The following CTNNA2 variants were observed in gnomAD, a reference collection of about 807,000 sequenced individuals.
The protein encoded by CTNNA2 is catenin alpha-2.
In CTNNA2, 42 loss-of-function variants were observed where a neutral mutation model predicts 101.0. The observed-to-expected ratio is 0.42, with a 90% CI of 0.32 to 0.54. The LOEUF is 0.54. CTNNA2 is among the 20% of genes least tolerant of loss of function. CTNNA2 has a pLI of 0.14. For missense variants in CTNNA2, 871 were observed against 1,223.1 expected (o/e 0.71, Z 4.29); for synonymous variants, 450 against 456.4 (o/e 0.99, Z 0.18).
At chr2:79,587,726 G>A (rs1398442994) in intron 1 of CTNNA2, among the ~76,000 whole-genome samples, 1 of 152,160 alleles carries the variant, frequency 6.6e-6, no homozygotes, top group East Asian at 1.9e-4. Flanking sequence ...TGGGAGTCCA[G>A]CCCAAGAATA....
chr2:79,651,320 A>G (rs1681232622), intron 1 of CTNNA2, among the ~76,000 whole-genome samples: 1 of 152,168 alleles, frequency 6.6e-6, no homozygotes, highest in South Asian at 2.1e-4. Flanking sequence ...TCCCAAAAGC[A>G]GGCCTAAGGT....
At chr2:79,899,900 C>T (rs949617262) in intron 6 of CTNNA2, among the ~76,000 whole-genome samples, 5 of 152,062 alleles carry the variant, frequency 3.3e-5, no homozygotes, top group African/African-American at 1.2e-4. Context: ...AGAAACTTTT[C>T]ATGTAAAGAT....
At chr2:80,362,030 G>A (rs948105357) in intron 7 of CTNNA2, among the ~76,000 whole-genome samples, 1 of 152,082 alleles carries the variant, frequency 6.6e-6, no homozygotes, top group African/African-American at 2.4e-5. Flanking sequence ...AATTCACTTG[G>A]TAATTAGGGT....
At chr2:80,489,918 G>A (rs77467878) in intron 9 of CTNNA2, among the ~76,000 whole-genome samples, 4 of 152,120 alleles carry the variant, frequency 2.6e-5, no homozygotes, top group Admixed American at 6.5e-5. Context: ...GAAATCTTCC[G>A]AGAAGTGAAT....
At chr2:80,626,908 C>T (rs1671744893) in intron 18 of CTNNA2, among the ~76,000 whole-genome samples, 1 of 151,942 alleles carries the variant, frequency 6.6e-6, no homozygotes, top group Non-Finnish European at 1.5e-5. Context: ...TGTTCCCTTC[C>T]CTGTGTCCAT....
chr2:79,236,064 CAGG>C (rs984028723), intron 2 of CTNNA2, among the ~76,000 whole-genome samples: 15 of 152,222 alleles, frequency 9.9e-5, no homozygotes, highest in Admixed American at 9.8e-4. Flanking sequence ...CCCAGGGAAA[CAGG>C]AGGATACAGC....
At chr2:79,866,135 G>A (rs184079082) in intron 4 of CTNNA2, among the ~76,000 whole-genome samples, 1 of 152,172 alleles carries the variant, frequency 6.6e-6, no homozygotes, top group Admixed American at 6.5e-5. Context: ...GAGTAGACAG[G>A]CTTGCTTTAG....
chr2:80,400,669 A>T (rs893300565), intron 8 of CTNNA2, among the ~76,000 whole-genome samples: 6 of 152,196 alleles, frequency 3.9e-5, no homozygotes, highest in Non-Finnish European at 7.3e-5. Flanking sequence ...TTTTCAAGAC[A>T]GTGACAGTCC....
At chr2:80,420,213 A>G (rs1396879405) in intron 9 of CTNNA2, among the ~76,000 whole-genome samples, 1 of 152,102 alleles carries the variant, frequency 6.6e-6, no homozygotes, top group East Asian at 1.9e-4. Context: ...TAATATTGAA[A>G]AAAAATATTG....
At chr2:80,040,697 C>A (rs1695986275) in intron 7 of CTNNA2, among the ~76,000 whole-genome samples, 1 of 152,182 alleles carries the variant, frequency 6.6e-6, no homozygotes, top group South Asian at 2.1e-4. Flanking sequence ...AGGAATAATT[C>A]ACTCCCAGGC....
intron 7 of CTNNA2, among the ~76,000 whole-genome samples, chr2:80,191,319 G>A (rs534308857): frequency 6.6e-6 from 1 of 152,310 alleles, no homozygotes; most frequent in East Asian, 1.9e-4. Flanking sequence ...ACCCCAGCAT[G>A]AATTAAGTCT....
chr2:80,019,905 A>G (rs1047046657), intron 7 of CTNNA2, among the ~76,000 whole-genome samples: 1 of 152,188 alleles, frequency 6.6e-6, no homozygotes, highest in African/African-American at 2.4e-5. Context: ...ACGAGCAGAC[A>G]TTTAGACCCC....
intron 3 of CTNNA2, among the ~76,000 whole-genome samples, chr2:79,812,343 G>T (rs774331920): frequency 4.6e-5 from 7 of 152,056 alleles, no homozygotes; most frequent in Non-Finnish European, 1.0e-4. Flanking sequence ...TCAGTCTTTT[G>T]TCTTTAAGTA....
rs1408907830 is a variant in CTNNA2, at chr2:79,988,412, G to A, written c.1056+78615G>A. 3.3e-5 allele frequency among the ~76,000 whole-genome samples: 5 copies of A among 151,900 alleles called. 1 individual carries two copies. In the South Asian group the frequency reaches 1.0e-3, roughly 31 times the overall value. On this transcript the variant is annotated intron_variant, in intron 7 of 18. Coordinates refer to ENST00000402739, the MANE Select transcript of CTNNA2 (RefSeq NM_001282597.3). ...GTTAAAATGGCCACATCAGAAAAAA[G>A]AAATGGTAGAGTTAGTGTTCTTTGT...
intron 3 of CTNNA2, among the ~76,000 whole-genome samples, chr2:79,817,316 C>CTTTTTTTTTTTTT (rs550422225): frequency 1.4e-5 from 1 of 73,846 alleles, no homozygotes; most frequent in African/African-American, 4.7e-5. Context: ...TTCTCTCTCA[C>CTTTTTTTTTTTTT]TTTTTTTTTT....
chr2:79,332,042 A>C (rs1676884715), intron 3 of CTNNA2, among the ~76,000 whole-genome samples: 3 of 152,116 alleles, frequency 2.0e-5, no homozygotes, highest in African/African-American at 7.2e-5. Context: ...TGGGATCTTC[A>C]TACCACTGGC....
At chr2:80,481,703 G>A (rs1376553202) in intron 9 of CTNNA2, among the ~76,000 whole-genome samples, 1 of 152,042 alleles carries the variant, frequency 6.6e-6, no homozygotes, top group African/African-American at 2.4e-5. Flanking sequence ...CAAAGCAGTC[G>A]TCTATTATTA....
intron 9 of CTNNA2, among the ~76,000 whole-genome samples, chr2:80,465,784 A>T (rs1572958250): frequency 6.6e-6 from 1 of 152,206 alleles, no homozygotes; most frequent in Non-Finnish European, 1.5e-5. Context: ...TCATTTTATG[A>T]TGCAGTTAGA....
At chr2:79,907,299 ATTTC>A (rs1685487578) in intron 6 of CTNNA2, among the ~76,000 whole-genome samples, 1 of 151,818 alleles carries the variant, frequency 6.6e-6, no homozygotes, top group African/African-American at 2.4e-5. Context: ...TTAGAATATT[ATTTC>A]TTAACGTATA....
Sources: allele counts gnomAD v4.1 joint callset (sites outside exome capture counted in the v4.1 genomes callset), GRCh38; gene constraint gnomAD v4.1.1; transcripts MANE v1.5; gene names NCBI Gene and HGNC (gene_info 2026-07-23, HGNC 2026-07-21).